The following CDH8 variants were observed in gnomAD, a reference collection of about 807,000 sequenced individuals.
The protein encoded by CDH8 is cadherin 8.
A neutral mutation model predicts 68.1 loss-of-function variants in CDH8; 17 were observed. The ratio of observed to expected loss-of-function variants is 0.25; its 90% CI spans 0.17 to 0.37. The LOEUF (loss-of-function observed/expected upper bound fraction) is 0.37. Among genes scored for constraint, CDH8 ranks in the 10% least tolerant of loss-of-function variants. The pLI is 1.00. For missense variants in CDH8, 763 were observed against 999.3 expected, an observed-to-expected ratio of 0.76 and a Z score of 3.19; for synonymous variants, 372 against 365.1, an observed-to-expected ratio of 1.02 and a Z score of -0.21.
At chr16:61,902,541 AATATAGTTCCAGTTGAGATTTCAAAT>A (rs1303692446) in intron 2 of CDH8, among the ~76,000 whole-genome samples, 5 of 151,650 alleles carry the variant, frequency 3.3e-5, no homozygotes, top group Admixed American at 2.6e-4. Flanking sequence ...CTTAACTGCC[AATATAGTTCCAGTTGAGATTTCAAAT>A]ATTTGTTCCA....
chr16:61,699,211 A>G (rs1159701149), intron 10 of CDH8, among the ~76,000 whole-genome samples: 1 of 152,178 alleles, frequency 6.6e-6, no homozygotes, highest in African/African-American at 2.4e-5. Context: ...GGTCCTGGTA[A>G]GAGAAGTTCT....
At chr16:61,835,321 T>C (rs1217715284) in intron 4 of CDH8, among the ~76,000 whole-genome samples, 2 of 151,970 alleles carry the variant, frequency 1.3e-5, no homozygotes, top group African/African-American at 2.4e-5. Context: ...CTAAAAAAAC[T>C]ACAGCTTCTT....
intron 10 of CDH8, among the ~76,000 whole-genome samples, chr16:61,658,722 G>T (rs892863868): frequency 6.6e-6 from 1 of 151,854 alleles, no homozygotes; most frequent in Admixed American, 6.6e-5. Flanking sequence ...TTGTTCATTT[G>T]CTATTCTTGG....
chr16:61,816,833 G>A (rs752135878), intron 7 of CDH8, among the ~76,000 whole-genome samples: 9 of 151,942 alleles, frequency 5.9e-5, no homozygotes, highest in East Asian at 5.8e-4. Flanking sequence ...GAATTATTTC[G>A]CATCCTGGGG....
chr16:61,917,502 A>G (rs1368528321), intron 2 of CDH8, among the ~76,000 whole-genome samples: 1 of 152,106 alleles, frequency 6.6e-6, no homozygotes, highest in African/African-American at 2.4e-5. Context: ...GTCCCTTGGT[A>G]GCAGTACAAG....
At chr16:62,021,798 T>C (rs939631768) in intron 1 of CDH8, among the ~76,000 whole-genome samples, 196 bp from the exon 2 acceptor site, 9 of 152,188 alleles carry the variant, frequency 5.9e-5, no homozygotes, top group African/African-American at 1.9e-4. Flanking sequence ...AGATTTTAGC[T>C]TTCATTGGTA....
At chr16:61,941,594 C>T (rs1964725667) in intron 2 of CDH8, among the ~76,000 whole-genome samples, 1 of 152,180 alleles carries the variant, frequency 6.6e-6, no homozygotes. Context: ...GGATTATGGG[C>T]ATGTGCCACC....
intron 8 of CDH8, among the ~76,000 whole-genome samples, chr16:61,780,861 C>T (rs913775713): frequency 1.3e-5 from 2 of 152,130 alleles, no homozygotes; most frequent in African/African-American, 4.8e-5. Context: ...TTTAATTGTA[C>T]ACTTAAAGTT....
intron 10 of CDH8, among the ~76,000 whole-genome samples, chr16:61,674,457 A>C (rs540342621): frequency 1.1e-3 from 31 of 27,396 alleles, no homozygotes; most frequent in Admixed American, 4.5e-3. Context: ...CCAACTCACA[A>C]AAAAAAAAAA....
At chr16:61,662,087 G>GTTT in intron 10 of CDH8, among the ~76,000 whole-genome samples, 17 of 92,826 alleles carry the variant, frequency 1.8e-4, no homozygotes, top group African/African-American at 3.6e-4. Flanking sequence ...TTTTACTTTA[G>GTTT]TTTTTTTTTT....
At chr16:61,844,851 A>G (rs191568072) in intron 4 of CDH8, among the ~76,000 whole-genome samples, 20 of 152,322 alleles carry the variant, frequency 1.3e-4, no homozygotes, top group Admixed American at 1.3e-3. Context: ...TATCTGATCA[A>G]TAACAATCTT....
intron 4 of CDH8, among the ~76,000 whole-genome samples, chr16:61,843,411 T>G (rs911032804): frequency 6.6e-6 from 1 of 152,150 alleles, no homozygotes; most frequent in Non-Finnish European, 1.5e-5. Context: ...TAATATGCTC[T>G]GGAAAGGAGC....
In CDH8 at chr16:61,727,231, A is replaced by C. The variant is rs1440833520; in HGVS notation, c.1415-16T>G. On this transcript the variant is annotated splice_polypyrimidine_tract_variant and intron_variant, in intron 8 of 11. Coordinates refer to ENST00000577390, the MANE Select transcript of CDH8 (RefSeq NM_001796.5). ...CTGTGGTTCCCTATGGGAAGGAAAAAATAACATCAGCATTGAGGGTATTTC... is the reference window on the plus strand; with the variant it reads ...CTGTGGTTCCCTATGGGAAGGAAAACATAACATCAGCATTGAGGGTATTTC... 1 of 1,595,992 alleles carries C rather than the reference A, an allele frequency of 6.3e-7. No individual in the cohort carries two copies. Among genetic ancestry groups the C allele is most frequent in the Non-Finnish European group, 8.6e-7 (1 of 1,168,840 alleles).
At chr16:61,859,179 C>T (rs186559135) in intron 3 of CDH8, among the ~76,000 whole-genome samples, 12 of 152,258 alleles carry the variant, frequency 7.9e-5, no homozygotes, top group Non-Finnish European at 5.9e-5. Flanking sequence ...CAACTCAATG[C>T]CTCTTGTGTA....
At position 61,780,817 on chromosome 16, in the gene CDH8, T is replaced by G. The variant is rs189886359; in HGVS notation, c.1414+8529A>C. ...TTTAATTTCTCTGTGATCTTATGAT[T>G]TCCACTTCCCTTTATGATTAAGAAA... On this transcript the variant is annotated intron_variant, in intron 8 of 11. Transcript: ENST00000577390. Among the ~76,000 whole-genome samples the G allele has an allele frequency of 5.3e-5, 8 of 152,312 alleles. No individual in the cohort carries two copies. In the East Asian group the frequency reaches 1.4e-3, roughly 26 times the overall value.
chr16:61,657,954 C>T (rs533345078), intron 10 of CDH8, among the ~76,000 whole-genome samples: 1 of 152,000 alleles, frequency 6.6e-6, no homozygotes, highest in African/African-American at 2.4e-5. Context: ...CTGGAATTTG[C>T]CTATCTTGCT....
intron 10 of CDH8, among the ~76,000 whole-genome samples, chr16:61,697,691 G>A (rs1218669999): frequency 6.6e-6 from 1 of 152,050 alleles, no homozygotes; most frequent in South Asian, 2.1e-4. Flanking sequence ...AATAGAGACG[G>A]GTTGGACCAG....
chr16:61,654,173 TAGG>T (rs1963390545), intron 11 of CDH8, 72 bp from the exon 12 acceptor site: 2 of 1,399,232 alleles, frequency 1.4e-6, no homozygotes, highest in Non-Finnish European at 2.0e-6. Context: ...CTATATATGT[TAGG>T]AGAGAGGGGT....
At chr16:61,854,932 C>CA (rs1963013513) in intron 4 of CDH8, among the ~76,000 whole-genome samples, 6 of 152,182 alleles carry the variant, frequency 3.9e-5, no homozygotes, top group Admixed American at 3.9e-4. Flanking sequence ...GACATTTACC[C>CA]AAAAATGTTT....
Sources: allele counts gnomAD v4.1 joint callset (sites outside exome capture counted in the v4.1 genomes callset), GRCh38; gene constraint gnomAD v4.1.1; transcripts MANE v1.5; gene names NCBI Gene and HGNC (gene_info 2026-07-23, HGNC 2026-07-21).